LYST: variants seen among roughly 807,000 people sequenced by gnomAD.
The protein encoded by LYST is lysosomal-trafficking regulator.
LYST carries 192 observed loss-of-function variants against 413.6 expected under a neutral mutation model. That is an observed-to-expected ratio of 0.46 (90% CI 0.41 to 0.52). The LOEUF (loss-of-function observed/expected upper bound fraction) is 0.52. Among genes scored for constraint, LYST ranks in the 20% least tolerant of loss-of-function variants. LYST has a pLI of 0.00. For synonymous variants in LYST, 1,525 were observed against 1,567.3 expected, an observed-to-expected ratio of 0.97 and a Z score of 0.64; for missense variants, 3,815 against 4,499.9, an observed-to-expected ratio of 0.85 and a Z score of 4.35.
At position 235,809,635 on chromosome 1, in the gene LYST, G is replaced by C. The variant is rs752192687; in HGVS notation, c.1183C>G (p.Arg395Gly). The C allele has an allele frequency of 6.2e-7, 1 of 1,613,914 alleles. No homozygotes were observed. Among genetic ancestry groups the C allele is most frequent in the Non-Finnish European group, 8.5e-7 (1 of 1,179,968 alleles). ...TCAGGTAAAAGAAGGGCTCTATGACGATACTTTGAAAACACAAAATCTTCC... is the reference window on the plus strand; with the variant it reads ...TCAGGTAAAAGAAGGGCTCTATGACCATACTTTGAAAACACAAAATCTTCC... ...VQEDFVFSKYRHRALLLPELL... is the reference protein window; with the variant it reads ...VQEDFVFSKYGHRALLLPELL... Residue 395 changes from arginine to glycine, a missense_variant, in exon 5 of 53, where the codon CGT becomes GGT. Physicochemically the swap from Arg to Gly is moderately radical, Grantham distance 125. Coordinates refer to ENST00000389793, the MANE Select transcript of LYST (RefSeq NM_000081.4). The surrounding 1 kb of genome is among the most constrained non-coding windows in gnomAD (Gnocchi z 4.0).
intron 50 of LYST, among the ~76,000 whole-genome samples, chr1:235,675,644 G>T (rs937440229): frequency 1.3e-5 from 2 of 152,034 alleles, no homozygotes; most frequent in Non-Finnish European, 2.9e-5. Flanking sequence ...CAGCACTCAG[G>T]GCACTTCCAG....
intron 50 of LYST, among the ~76,000 whole-genome samples, chr1:235,667,561 G>C (rs1290524917): frequency 6.6e-6 from 1 of 152,142 alleles, no homozygotes; most frequent in Non-Finnish European, 1.5e-5. Flanking sequence ...TATCTGAGAG[G>C]GATTGGTTCC....
In LYST at chr1:235,782,100, C is replaced by G. The variant is rs369493781; in HGVS notation, c.4863-13G>C. The stretch of plus-strand genomic sequence containing the variant: ...AACATCAGGCTTCCTACATTAAAAA[C>G]AAAACAAAGTTAAAGCAATGACTTT... On this transcript the variant is annotated splice_polypyrimidine_tract_variant and intron_variant, in intron 14 of 52. Transcript: ENST00000389793. The G allele has an allele frequency of 2.5e-6, 4 of 1,601,196 alleles. No individual in the cohort carries two copies. In the South Asian group the frequency reaches 3.3e-5, roughly 13 times the overall value.
At chr1:235,870,991 T>C (rs1680899888), upstream of LYST, among the ~76,000 whole-genome samples, 1 of 152,234 alleles carries the variant, frequency 6.6e-6, no homozygotes. Flanking sequence ...GTCAGAATTA[T>C]ACAGATGAAT....
chr1:235,664,013 T>A lies in LYST; in HGVS notation c.11238A>T (p.Thr3746=). Residue 3746 remains threonine, a synonymous_variant, in exon 52 of 53, where the codon ACA becomes ACT. Transcript: ENST00000389793. This position sits in a 1 kb window ranked among gnomAD's most constrained non-coding sequence, Gnocchi z 4.5. ...TGATGGGCTTATTTGATTTGGGAAA[T>A]GTAATTTCTCTCACAGGCTTTAAGT... ...TWDLKPVREI[T]FPKSNKPIIS... 1 of 1,613,398 alleles carries A rather than the reference T, an allele frequency of 6.2e-7. No homozygotes were observed. The highest frequency in any genetic ancestry group is 8.5e-7 in the Non-Finnish European group (1 of 1,179,312).
chr1:235,813,411 A>G (rs767573807), intron 3 of LYST, among the ~76,000 whole-genome samples: 53 of 152,210 alleles, frequency 3.5e-4, no homozygotes, highest in Non-Finnish European at 5.0e-4. Flanking sequence ...TTAATTAGCA[A>G]AGCAATGCTA....
intron 4 of LYST, 62 bp from the exon 5 acceptor site, chr1:235,810,596 G>C: frequency 7.1e-7 from 1 of 1,415,164 alleles, no homozygotes; most frequent in Non-Finnish European, 9.9e-7. Context: ...CAATTTTAAG[G>C]TGACAGCCCT....
At chr1:235,865,596 A>C (rs930777268) in intron 1 of LYST, among the ~76,000 whole-genome samples, 5 of 152,188 alleles carry the variant, frequency 3.3e-5, no homozygotes, top group Admixed American at 3.3e-4. Flanking sequence ...CAAATTCTCC[A>C]ATCTTTGTAG....
At chr1:235,755,064 G>C (rs1666877005) in intron 25 of LYST, among the ~76,000 whole-genome samples, 1 of 111,338 alleles carries the variant, frequency 9.0e-6, no homozygotes, top group Admixed American at 1.3e-4. Flanking sequence ...CTGGGTGACA[G>C]AGTGAGACAT....
intron 3 of LYST, among the ~76,000 whole-genome samples, chr1:235,820,047 T>C (rs969623707): frequency 1.3e-5 from 2 of 152,204 alleles, no homozygotes; most frequent in Non-Finnish European, 2.9e-5. Context: ...TAACTTTCAT[T>C]GAGGTATTTT....
chr1:235,729,172 A>G (rs933749072), intron 37 of LYST, among the ~76,000 whole-genome samples: 1 of 152,202 alleles, frequency 6.6e-6, no homozygotes, highest in African/African-American at 2.4e-5. Flanking sequence ...TGGACTAACA[A>G]TCTTGTCCTT....
At position 235,830,349 on chromosome 1, in the gene LYST, C is replaced by T. The variant is rs749641058; in HGVS notation, c.69G>A (p.Val23=). ...LTDVNRLCNA[V]VQRVEAREEE... ...CCTCCCTGGCCTCCACCCTCTGGAC[C>T]ACTGCATTGCAAAGCCGGTTGACAT... Residue 23 remains valine, a synonymous_variant, in exon 3 of 53, where the codon GTG becomes GTA. Transcript: ENST00000389793. 6.2e-7 allele frequency: 1 copy of T among 1,613,744 alleles called. No homozygotes were observed. Among genetic ancestry groups the T allele is most frequent in the East Asian group, 2.2e-5 (1 of 44,856 alleles).
intron 1 of LYST, among the ~76,000 whole-genome samples, chr1:235,880,483 T>A (rs928910707): frequency 6.6e-6 from 1 of 152,226 alleles, no homozygotes; most frequent in Admixed American, 6.5e-5. Flanking sequence ...ACTAAACACA[T>A]CTTTGCCACA....
rs1055365966 is a variant in LYST at position 235,750,978 on chromosome 1, T to C, written c.7780+232A>G. On this transcript the variant is annotated intron_variant, in intron 28 of 52. Coordinates refer to ENST00000389793, the MANE Select transcript of LYST (RefSeq NM_000081.4). ...GAATCTGTGTCTGTTTTTTTCATCA[T>C]TGTATCTCCAATATTTAGCACAATG... Among the ~76,000 whole-genome samples the C allele has an allele frequency of 5.3e-5, 8 of 152,206 alleles. 1 individual carries two copies. The highest frequency in any genetic ancestry group is 1.9e-4 in the East Asian group (1 of 5,200).
intron 30 of LYST, among the ~76,000 whole-genome samples, chr1:235,742,153 T>C (rs1665461197): frequency 6.6e-6 from 1 of 152,044 alleles, no homozygotes; most frequent in Non-Finnish European, 1.5e-5. Context: ...GAGTTTCATT[T>C]GGGATAATTA....
At chr1:235,787,997 G>A (rs1440175447) in intron 13 of LYST, among the ~76,000 whole-genome samples, 4 of 152,002 alleles carry the variant, frequency 2.6e-5, no homozygotes, top group Non-Finnish European at 5.9e-5. Context: ...TTAGGTAATC[G>A]CTATTAAATA....
intron 50 of LYST, among the ~76,000 whole-genome samples, chr1:235,671,521 G>C (rs1285602680): frequency 6.6e-6 from 1 of 152,316 alleles, no homozygotes. Flanking sequence ...TAATACTTTA[G>C]ATAAGATGGC....
intron 21 of LYST, among the ~76,000 whole-genome samples, chr1:235,763,598 G>T (rs1311329164): frequency 6.6e-6 from 1 of 151,736 alleles, no homozygotes; most frequent in South Asian, 2.1e-4. Context: ...TTACAGGCAT[G>T]TGCCACCACG....
At chr1:235,804,290 A>G (rs1398769711) in intron 7 of LYST, among the ~76,000 whole-genome samples, 1 of 152,222 alleles carries the variant, frequency 6.6e-6, no homozygotes, top group East Asian at 1.9e-4. Context: ...AAAGCTTATC[A>G]TATCACTCTC....
Sources: gnomAD v4.1 joint callset for allele counts (sites outside exome capture counted in the v4.1 genomes callset) on GRCh38, gnomAD v4.1.1 for gene constraint, Gnocchi (gnomAD v3.1) non-coding constraint, MANE v1.5 for transcripts, NCBI Gene and HGNC (gene_info 2026-07-23, HGNC 2026-07-21) for gene names.